MCM8: variants seen among roughly 807,000 people sequenced by gnomAD.
The protein encoded by MCM8 is minichromosome maintenance 8 homologous recombination repair factor.
A neutral mutation model predicts 98.9 loss-of-function variants in MCM8; 85 were observed. That is an observed-to-expected ratio of 0.86 (90% CI 0.72 to 1.03). The LOEUF is 1.03. Among genes scored for constraint, MCM8 ranks in the 50% least tolerant of loss-of-function variants. The pLI, the probability that MCM8 is intolerant of heterozygous loss-of-function variation, is 0.00. For missense variants in MCM8, 951 were observed against 997.8 expected (o/e 0.95, Z 0.63); for synonymous variants, 352 against 338.6 (o/e 1.04, Z -0.44).
chr20:5,967,737 G>T, intron 9 of MCM8, 93 bp from the exon 10 acceptor site: 1 of 1,345,006 alleles, frequency 7.4e-7, no homozygotes, highest in Non-Finnish European at 1.0e-6. Context: ...ACATGTATTT[G>T]TAGCTCCCTA....
At chr20:5,983,639 G>T (rs577134378) in intron 14 of MCM8, among the ~76,000 whole-genome samples, 1 of 152,276 alleles carries the variant, frequency 6.6e-6, no homozygotes, top group South Asian at 2.1e-4. Context: ...GGTGGAGGTT[G>T]CAGTGAGCCG....
At chr20:5,958,293 C>T (rs971488912) in intron 6 of MCM8, among the ~76,000 whole-genome samples, 4 of 152,162 alleles carry the variant, frequency 2.6e-5, no homozygotes, top group African/African-American at 9.7e-5. Context: ...CACTTGAACC[C>T]GGGAGGCAGT....
chr20:5,970,170 T>C (rs2089372332), intron 10 of MCM8, among the ~76,000 whole-genome samples: 1 of 152,228 alleles, frequency 6.6e-6, no homozygotes, highest in South Asian at 2.1e-4. Context: ...TCACAGTTGC[T>C]TGCACACTAC....
chr20:5,972,811 T>C lies in MCM8; in HGVS notation c.1255-245T>C, dbSNP rs917474883. On this transcript the variant is annotated intron_variant, in intron 11 of 18. Coordinates refer to ENST00000610722, the MANE Select transcript of MCM8 (RefSeq NM_032485.6). ...TTCTCGTTTTTGTGGAATGGATTTATGCCTTGCAAGGTAGCTCTTAGTAAT... is the reference window on the plus strand; with the variant it reads ...TTCTCGTTTTTGTGGAATGGATTTACGCCTTGCAAGGTAGCTCTTAGTAAT... The C allele has an allele frequency of 6.3e-6, 9 of 1,431,592 alleles. No individual in the cohort carries two copies. In the Admixed American group the frequency reaches 2.1e-4, roughly 34 times the overall value. The allele number at this position is 1,431,592 out of a possible 1,614,324, so 88.7% of individuals were successfully genotyped here. A position where few individuals can be genotyped will look rare whatever the true frequency, so the allele number is the denominator to read the frequency against.
intron 3 of MCM8, 70 bp downstream of exon 3, chr20:5,952,598 T>C: frequency 1.6e-6 from 2 of 1,230,326 alleles, no homozygotes; most frequent in South Asian, 2.5e-5. Flanking sequence ...ATGCTACATC[T>C]TGTATTACTG....
At chr20:5,954,160 G>C (rs78863177) in intron 3 of MCM8, among the ~76,000 whole-genome samples, 3 of 152,038 alleles carry the variant, frequency 2.0e-5, no homozygotes, top group African/African-American at 7.2e-5. Context: ...AAAAAAAAAG[G>C]CTTTTCAGTT....
rs2088940742 is a variant in MCM8, at chr20:5,955,118, A to G, written c.353A>G (p.Lys118Arg). The G allele has an allele frequency of 6.3e-7, 1 of 1,598,556 alleles. No homozygotes were observed. The highest frequency in any genetic ancestry group is 8.6e-7 in the Non-Finnish European group (1 of 1,168,442). ...DLYDKDEIER[K>R]GSILVDFKEL... The stretch of plus-strand genomic sequence containing the variant: ...ATTTTATAGGATGAAATAGAAAGAA[A>G]GGGAAGTATTTTGGTAGATTTTAAA... Residue 118 changes from lysine to arginine, a missense_variant, in exon 5 of 19, where the codon AAG (lysine) becomes AGG (arginine). By Grantham distance (26) the Lys-to-Arg change is conservative. Coordinates refer to ENST00000610722, the MANE Select transcript of MCM8 (RefSeq NM_032485.6).
At chr20:5,978,428 G>A (rs1226975983) in intron 13 of MCM8, among the ~76,000 whole-genome samples, 1 of 152,126 alleles carries the variant, frequency 6.6e-6, no homozygotes. Context: ...GTACATAGGG[G>A]CACAGTAAAT....
At chr20:5,988,729 C>G (rs571770540) in intron 17 of MCM8, among the ~76,000 whole-genome samples, 27 of 152,164 alleles carry the variant, frequency 1.8e-4, no homozygotes, top group African/African-American at 6.5e-4. Flanking sequence ...TTTTCCAAGA[C>G]CAAAAAATAT....
chr20:5,969,561 C>T (rs889142082), intron 10 of MCM8, among the ~76,000 whole-genome samples: 1 of 148,704 alleles, frequency 6.7e-6, no homozygotes, highest in African/African-American at 2.5e-5. Context: ...CACTGCACTC[C>T]AGCCTGAGCA....
At chr20:5,967,785 A>G in intron 9 of MCM8, 45 bp from the exon 10 acceptor site, 1 of 1,504,974 alleles carries the variant, frequency 6.6e-7, no homozygotes, top group Middle Eastern at 2.3e-4. Context: ...CATTGTAGGG[A>G]AAATGAAAAT....
chr20:5,965,893 T>C (rs973241361), intron 8 of MCM8, among the ~76,000 whole-genome samples: 3 of 152,054 alleles, frequency 2.0e-5, no homozygotes, highest in Non-Finnish European at 4.4e-5. Flanking sequence ...CACACCTTCC[T>C]TCTGCTTGAG....
At position 5,963,310 on chromosome 20, in the gene MCM8, G is replaced by C. The variant is rs61752028; in HGVS notation, c.826G>C (p.Ala276Pro). The change falls in exon 8 of 19, where the codon GCT becomes CCT. Residue 276 changes from alanine to proline, a missense_variant. Transcript: ENST00000610722. ...VPVCRGRSFTALRSSPLTVTM... is the reference protein window; with the variant it reads ...VPVCRGRSFTPLRSSPLTVTM... Reference sequence around the variant, plus strand: ...TGTGTGTCGAGGCAGGTCATTTACTGCTCTCCGCAGCTCTCCTCTCACAGT... The same window carrying C: ...TGTGTGTCGAGGCAGGTCATTTACTCCTCTCCGCAGCTCTCCTCTCACAGT... The C allele has an allele frequency of 0.01, 16,733 of 1,613,954 alleles. 1,359 individuals are homozygous for C. In the East Asian group the frequency reaches 0.23, roughly 22 times the overall value.
In MCM8 at chr20:5,994,927, A is replaced by G. The variant is rs1310015873; in HGVS notation, c.*536A>G. The G allele has an allele frequency of 1.1e-5, 2 of 176,568 alleles. No homozygotes were observed. The highest frequency in any genetic ancestry group is 5.8e-5 in the Admixed American group (1 of 17,258). 10.9% of individuals were successfully genotyped at this position (176,568 alleles called of 1,614,324 possible). ...CTCTTGACTCAAAAAAATAAAAAAA[A>G]TTGTAGTGGTAGCCATGTGTTAATT... On this transcript the variant is annotated 3_prime_UTR_variant, in exon 19 of 19. Coordinates refer to ENST00000610722, the MANE Select transcript of MCM8 (RefSeq NM_032485.6).
chr20:5,967,113 T>A (rs1252564585), intron 8 of MCM8, among the ~76,000 whole-genome samples: 2 of 152,258 alleles, frequency 1.3e-5, no homozygotes, highest in Non-Finnish European at 2.9e-5. Context: ...TGGACTTTAT[T>A]TTGTTTTATC....
At position 5,995,457 on chromosome 20, in the gene MCM8, G is replaced by C. The variant is rs1017151090; in HGVS notation, c.*1066G>C. 1.2e-4 allele frequency: 19 copies of C among 152,212 alleles called. No homozygotes were observed. The highest frequency in any genetic ancestry group is 4.6e-4 in the African/African-American group (19 of 41,432). 9.4% of individuals were successfully genotyped at this position (152,212 alleles called of 1,614,324 possible). A position where few individuals can be genotyped will look rare whatever the true frequency, so the allele number is the denominator to read the frequency against. ...ACACAGGGCACTGGAAGAAAGTGCTGCTGCCTCCCTGCCCCACCTTTGCCA... is the reference window on the plus strand; with the variant it reads ...ACACAGGGCACTGGAAGAAAGTGCTCCTGCCTCCCTGCCCCACCTTTGCCA... On this transcript the variant is annotated 3_prime_UTR_variant, in exon 19 of 19. Transcript: ENST00000610722.
chr20:5,983,179 A>G lies in MCM8; in HGVS notation c.1733+14A>G, dbSNP rs1396513847. ...TGAGAATTTAAAGTAAGTCTCTTCA[A>G]ATATTTATACCTTTAATGTATTGAA... On this transcript the variant is annotated intron_variant, in intron 14 of 18. Coordinates refer to ENST00000610722, the MANE Select transcript of MCM8 (RefSeq NM_032485.6). 4 of 1,596,208 alleles carry G rather than the reference A, an allele frequency of 2.5e-6. No homozygotes were observed. The African/African-American group carries it at 5.4e-5, about 21-fold the overall frequency.
chr20:5,961,819 T>A (rs527839935), intron 7 of MCM8, among the ~76,000 whole-genome samples: 6 of 152,306 alleles, frequency 3.9e-5, no homozygotes, highest in Non-Finnish European at 8.8e-5. Context: ...TCATGTGTGA[T>A]GTCGTGAAGA....
At position 5,961,201 on chromosome 20, in the gene MCM8, C is replaced by G. The variant is rs1229709235; in HGVS notation, c.790-2073C>G. 2.0e-5 allele frequency among the ~76,000 whole-genome samples: 3 copies of G among 152,136 alleles called. No individual in the cohort carries two copies. The East Asian group carries it at 5.8e-4, about 29-fold the overall frequency. The stretch of plus-strand genomic sequence containing the variant: ...GACTAGCCTGGGCAGCATAGTGAGA[C>G]CCCCATCTCTTAAAAAAACAAACTA... On this transcript the variant is annotated intron_variant, in intron 7 of 18. Transcript: ENST00000610722.
Sources: allele counts gnomAD v4.1 joint callset (sites outside exome capture counted in the v4.1 genomes callset), GRCh38; gene constraint gnomAD v4.1.1; transcripts MANE v1.5; gene names NCBI Gene and HGNC (gene_info 2026-07-23, HGNC 2026-07-21).